UGT1A5: variants seen among roughly 807,000 people sequenced by gnomAD.
UGT1A5 encodes the protein UDP glucuronosyltransferase family 1 member A5, also known as UDP-glucuronosyltransferase 1A5.
Under a neutral mutation model 40.3 loss-of-function variants are expected in UGT1A5, and 29 were observed. The observed-to-expected ratio is 0.72, with a 90% CI of 0.54 to 0.98. The LOEUF (loss-of-function observed/expected upper bound fraction) is 0.98. Ranked by LOEUF, UGT1A5 falls within the 50% of genes least tolerant of loss-of-function variation. The probability of loss-of-function intolerance (pLI) is 0.00; values close to 1 mark genes in which losing one functional copy is unlikely to be tolerated. For missense variants in UGT1A5, 678 were observed against 677.9 expected (o/e 1.00, Z 0.00); for synonymous variants, 257 against 262.5 (o/e 0.98, Z 0.20).
chr2:233,772,325 C>A lies in UGT1A5; in HGVS notation c.1371C>A (p.Asp457Glu). 6.2e-7 allele frequency: 1 copy of A among 1,614,136 alleles called. No homozygotes were observed. Among genetic ancestry groups the A allele is most frequent in the Non-Finnish European group, 8.5e-7 (1 of 1,180,020 alleles). ...AGGACCGCCCGGTGGAGCCGCTGGACCTGGCCGTGTTCTGGGTGGAGTTTG... is the reference window on the plus strand; with the variant it reads ...AGGACCGCCCGGTGGAGCCGCTGGAACTGGCCGTGTTCTGGGTGGAGTTTG... ...LHKDRPVEPL[D>E]LAVFWVEFVM... is the part of the protein sequence containing the mutation. Residue 457 changes from aspartate (D) to glutamate (E), a missense_variant, in exon 5 of 5, where the codon GAC (aspartate) becomes GAA (glutamate). Coordinates refer to ENST00000373414, the MANE Select transcript of UGT1A5 (RefSeq NM_019078.2).
intron 1 of UGT1A5, chr2:233,719,118 T>C (rs1175236836): frequency 6.2e-7 from 1 of 1,614,062 alleles, no homozygotes; most frequent in East Asian, 2.2e-5. Flanking sequence ...CACTCAAGGG[T>C]TCTTTGAAAC....
chr2:233,756,486 T>G (rs1239866709), intron 1 of UGT1A5: 1 of 152,220 alleles, frequency 6.6e-6, no homozygotes, highest in East Asian at 1.9e-4. Context: ...TCTGCAGATG[T>G]GAAGCCCAAG....
intron 1 of UGT1A5, among the ~76,000 whole-genome samples, chr2:233,763,849 G>A (rs1198525346): frequency 6.6e-6 from 1 of 152,198 alleles, no homozygotes; most frequent in East Asian, 1.9e-4. Context: ...GATAGCAGTG[G>A]TTCACAGACA....
chr2:233,728,535 G>C (rs1446157301), intron 1 of UGT1A5, among the ~76,000 whole-genome samples: 3 of 152,190 alleles, frequency 2.0e-5, no homozygotes, highest in Admixed American at 6.5e-5. Context: ...CCACTTCAGA[G>C]AGAGTCCTCT....
intron 1 of UGT1A5, among the ~76,000 whole-genome samples, chr2:233,726,632 C>T (rs2077548155): frequency 6.6e-6 from 1 of 152,176 alleles, no homozygotes; most frequent in Admixed American, 6.5e-5. Flanking sequence ...CCAGGACAAT[C>T]TCCCCATCTT....
chr2:233,747,014 C>A (rs774665109), intron 1 of UGT1A5, among the ~76,000 whole-genome samples: 1 of 151,838 alleles, frequency 6.6e-6, no homozygotes, highest in Non-Finnish European at 1.5e-5. Context: ...TAGGAGTGAT[C>A]GGTCTTTCCC....
rs35915271 is a variant in UGT1A5 at position 233,764,965 on chromosome 2, A to T, written c.868-2069A>T. On this transcript the variant is annotated intron_variant, in intron 1 of 4. Coordinates refer to ENST00000373414, the MANE Select transcript of UGT1A5 (RefSeq NM_019078.2). ...GCGGGGAGAGAGGGCTCACCTTGGG[A>T]GAAGGATGGTCAGTGTCTGGGGCTT... Among the ~76,000 whole-genome samples the T allele has an allele frequency of 1.4e-3, 217 of 150,630 alleles. 1 individual carries two copies. The highest frequency in any genetic ancestry group is 5.0e-3 in the African/African-American group (206 of 40,976).
Position 233,755,111 on chromosome 2 carries a change from G to A in UGT1A5, c.868-11923G>A, listed in dbSNP as rs41264157. 3,233 of 1,331,410 alleles carry A rather than the reference G, an allele frequency of 2.4e-3. 9 individuals carry two copies. Among genetic ancestry groups the A allele is most frequent in the Non-Finnish European group, 3.0e-3 (2,941 of 989,376 alleles). 82.5% of individuals were successfully genotyped at this position (1,331,410 alleles called of 1,614,324 possible). A position where few individuals can be genotyped will look rare whatever the true frequency, so the allele number is the denominator to read the frequency against. On this transcript the variant is annotated intron_variant, in intron 1 of 4. Coordinates refer to ENST00000373414, the MANE Select transcript of UGT1A5 (RefSeq NM_019078.2). ...GTTTCTACGCGTCCGACAACACCTC[G>A]TAGGCCTCAGCCACCTGCTTGAATC...
At chr2:233,747,400 C>T in intron 1 of UGT1A5, 1 of 1,606,978 alleles carries the variant, frequency 6.2e-7, no homozygotes, top group East Asian at 2.2e-5. Flanking sequence ...GTCCTCACCC[C>T]AGAGGTGAAT....
At chr2:233,755,155 T>A (rs921927491) in intron 1 of UGT1A5, 1 of 1,293,270 alleles carries the variant, frequency 7.7e-7, no homozygotes, top group Non-Finnish European at 1.0e-6. Flanking sequence ...GCTTCCTCCC[T>A]GTCCTCGGGG....
At chr2:233,766,708 C>G (rs538087868) in intron 1 of UGT1A5, among the ~76,000 whole-genome samples, 1 of 152,196 alleles carries the variant, frequency 6.6e-6, no homozygotes, top group East Asian at 1.9e-4. Context: ...GCTCTGTGTT[C>G]TCTAAGTGGA....
intron 1 of UGT1A5, chr2:233,719,217 C>T (rs1235910435): frequency 1.2e-6 from 2 of 1,614,064 alleles, no homozygotes; most frequent in Non-Finnish European, 1.7e-6. Flanking sequence ...GGAGCTACTG[C>T]ATAATGAGGC....
intron 1 of UGT1A5, among the ~76,000 whole-genome samples, chr2:233,745,254 T>TA (rs1247734907): frequency 2.6e-5 from 4 of 151,822 alleles, no homozygotes; most frequent in African/African-American, 9.7e-5. Flanking sequence ...TCGAAACCAT[T>TA]AAGACTTGCA....
At chr2:233,748,098 A>G (rs1489577021) in intron 1 of UGT1A5, 1 of 1,612,584 alleles carries the variant, frequency 6.2e-7, no homozygotes, top group African/African-American at 1.3e-5. Flanking sequence ...TCGTGCCTTC[A>G]TCCAATCAAT....
At chr2:233,765,607 G>A (rs1299491644) in intron 1 of UGT1A5, among the ~76,000 whole-genome samples, 2 of 151,978 alleles carry the variant, frequency 1.3e-5, no homozygotes, top group African/African-American at 4.8e-5. Context: ...GGCTTGTGGC[G>A]GGGTGAGGGG....
intron 1 of UGT1A5, among the ~76,000 whole-genome samples, chr2:233,753,838 G>A (rs1367023028): frequency 6.6e-6 from 1 of 152,204 alleles, no homozygotes; most frequent in African/African-American, 2.4e-5. Flanking sequence ...GACAGTCCTA[G>A]TATATCATTG....
intron 4 of UGT1A5, among the ~76,000 whole-genome samples, chr2:233,768,799 G>C (rs1295681406): frequency 6.6e-6 from 1 of 151,984 alleles, no homozygotes; most frequent in Admixed American, 6.6e-5. Flanking sequence ...TGTCAGGCTG[G>C]TCTTGAACTC....
chr2:233,748,523 T>TA (rs988670455), intron 1 of UGT1A5, among the ~76,000 whole-genome samples: 2 of 151,784 alleles, frequency 1.3e-5, no homozygotes, highest in Admixed American at 6.5e-5. Flanking sequence ...TTGCGAATGA[T>TA]AGAGAGGTGA....
chr2:233,767,996 A>AG (rs1699544638), intron 3 of UGT1A5, 60 bp downstream of exon 3: 2 of 1,614,194 alleles, frequency 1.2e-6, no homozygotes, highest in Non-Finnish European at 1.7e-6. Flanking sequence ...AAATGGCTTA[A>AG]GCACAGCTAT....
Sources: gnomAD v4.1 joint callset for allele counts (sites outside exome capture counted in the v4.1 genomes callset) on GRCh38, gnomAD v4.1.1 for gene constraint, MANE v1.5 for transcripts, NCBI Gene and HGNC (gene_info 2026-07-23, HGNC 2026-07-21) for gene names.